The following NBEA variants were observed in gnomAD, a reference collection of about 807,000 sequenced individuals.
NBEA encodes the protein neurobeachin.
A neutral mutation model predicts 343.4 loss-of-function variants in NBEA; 44 were observed. The ratio of observed to expected loss-of-function variants is 0.13; its 90% confidence interval spans 0.10 to 0.16. The LOEUF is 0.16. Ranked by LOEUF, NBEA falls within the 10% of genes least tolerant of loss-of-function variation. The pLI is 1.00. For synonymous variants in NBEA, 1,175 were observed against 1,238.7 expected (o/e 0.95, Z 1.08); for missense variants, 2,555 against 3,631.3 (o/e 0.70, Z 7.62).
chr13:35,633,017 A>G (rs1022419447), intron 49 of NBEA, among the ~76,000 whole-genome samples: 4 of 70,614 alleles, frequency 5.7e-5, no homozygotes, highest in Non-Finnish European at 1.3e-4. Flanking sequence ...TCTTATTTTG[A>G]AAAAAAAAAA....
chr13:35,450,370 C>T (rs12864221), intron 39 of NBEA, among the ~76,000 whole-genome samples: 2 of 152,052 alleles, frequency 1.3e-5, no homozygotes, highest in Admixed American at 6.5e-5. Flanking sequence ...ATCTGTGGTC[C>T]CACCTACTCA....
rs1205794529 is a variant in NBEA at position 35,668,470 on chromosome 13, C to G, written c.8764C>G (p.Pro2922Ala). 1.2e-6 allele frequency: 2 copies of G among 1,612,490 alleles called. No homozygotes were observed. Among genetic ancestry groups the G allele is most frequent in the Non-Finnish European group, 1.7e-6 (2 of 1,179,330 alleles). The change falls in exon 58 of 59, where the codon CCT (proline) becomes GCT (alanine). Residue 2922 changes from proline to alanine, a missense_variant. Pro to Ala is a conservative substitution (Grantham distance 27). Coordinates refer to ENST00000379939, the MANE Select transcript of NBEA (RefSeq NM_001385012.1). Reference protein sequence around the residue: ...ACDFKQLYIYPGCDAGIRAMD... With the variant: ...ACDFKQLYIYAGCDAGIRAMD... ...TGACTTCAAGCAACTGTACATTTAC[C>G]CTGGATGTGATGCTGGCATTAGAGC...
intron 11 of NBEA, among the ~76,000 whole-genome samples, chr13:35,108,904 T>C (rs2066048676): frequency 6.6e-6 from 1 of 152,156 alleles, no homozygotes; most frequent in Admixed American, 6.6e-5. Flanking sequence ...TACATATTTT[T>C]AAGCAGTATT....
At chr13:35,513,533 T>C (rs1029627525) in intron 41 of NBEA, among the ~76,000 whole-genome samples, 21 of 152,040 alleles carry the variant, frequency 1.4e-4, no homozygotes, top group Non-Finnish European at 4.4e-5. Flanking sequence ...TTCTGTGGTA[T>C]GCTTTTTTAG....
At chr13:35,430,173 A>G (rs1384343673) in intron 38 of NBEA, among the ~76,000 whole-genome samples, 1 of 151,732 alleles carries the variant, frequency 6.6e-6, no homozygotes, top group Non-Finnish European at 1.5e-5. Flanking sequence ...GCGTGGTGGT[A>G]TTGCATTGTG....
At chr13:35,078,798 C>T (rs777830089) in intron 10 of NBEA, among the ~76,000 whole-genome samples, 6 of 152,084 alleles carry the variant, frequency 3.9e-5, no homozygotes, top group South Asian at 2.1e-4. Context: ...CCCAGGCGGG[C>T]GGATCACGAG....
At chr13:35,170,529 T>C (rs891589436) in intron 25 of NBEA, among the ~76,000 whole-genome samples, 15 of 151,788 alleles carry the variant, frequency 9.9e-5, no homozygotes, top group African/African-American at 3.1e-4. Context: ...AACCATAAAG[T>C]TGTGCATTTT....
At position 35,110,836 on chromosome 13, in the gene NBEA, G is replaced by A; in HGVS notation, c.1860G>A (p.Leu620=). The part of the protein sequence containing the change: ...AKVQLSLYTY[L]SAEFIGTATI... ...TTCAGCTTTCCCTATACACATATTTGTCTGCTGAATTTATTGGAACTGCTA... is the reference window on the plus strand; with the variant it reads ...TTCAGCTTTCCCTATACACATATTTATCTGCTGAATTTATTGGAACTGCTA... Residue 620 remains leucine, a synonymous_variant, in exon 13 of 59, where the codon TTG becomes TTA. Transcript: ENST00000379939. 6.2e-7 allele frequency: 1 copy of A among 1,611,934 alleles called. No homozygotes were observed. The highest frequency in any genetic ancestry group is 1.3e-5 in the African/African-American group (1 of 74,916).
intron 1 of NBEA, among the ~76,000 whole-genome samples, chr13:35,020,603 C>T (rs1224739334): frequency 6.6e-6 from 1 of 152,194 alleles, no homozygotes; most frequent in Non-Finnish European, 1.5e-5. Context: ...ACTGCAACGT[C>T]TGCCTACTGG....
At chr13:35,351,594 A>G (rs2040203896) in intron 37 of NBEA, among the ~76,000 whole-genome samples, 1 of 151,990 alleles carries the variant, frequency 6.6e-6, no homozygotes, top group South Asian at 2.1e-4. Flanking sequence ...GAGGGATCAT[A>G]GAAAAAAATC....
chr13:35,440,045 A>G (rs574865213), intron 39 of NBEA, among the ~76,000 whole-genome samples: 2 of 152,218 alleles, frequency 1.3e-5, no homozygotes, highest in South Asian at 4.1e-4. Flanking sequence ...ACGCGCAGCT[A>G]ATTTTTGTAT....
At position 35,634,897 on chromosome 13, in the gene NBEA, G is replaced by A. The variant is rs560200880; in HGVS notation, c.7617+6649G>A. Reference sequence around the variant, plus strand: ...TATGGTGAAAATATGCCCATAGGAAGTAGGCTAGATTACTTCAGTTTTTAC... The same window carrying A: ...TATGGTGAAAATATGCCCATAGGAAATAGGCTAGATTACTTCAGTTTTTAC... On this transcript the variant is annotated intron_variant, in intron 49 of 58. Transcript: ENST00000379939. Among the ~76,000 whole-genome samples, 4 of 152,258 alleles carry A rather than the reference G, an allele frequency of 2.6e-5. No homozygotes were observed. In the East Asian group the frequency reaches 7.7e-4, roughly 29 times the overall value.
At chr13:35,417,892 G>T (rs967687706) in intron 38 of NBEA, among the ~76,000 whole-genome samples, 1 of 152,122 alleles carries the variant, frequency 6.6e-6, no homozygotes, top group African/African-American at 2.4e-5. Flanking sequence ...AGGTCTCTAA[G>T]GACTTGCTTT....
intron 1 of NBEA, among the ~76,000 whole-genome samples, chr13:35,000,764 C>T (rs1202717148): frequency 6.6e-6 from 1 of 151,836 alleles, no homozygotes; most frequent in East Asian, 1.9e-4. Context: ...AATGCTTTTA[C>T]ATTAAAAATG....
rs1369785931 is a variant in NBEA at position 35,445,261 on chromosome 13, C to A, written c.6305-6831C>A. Among the ~76,000 whole-genome samples, 3 of 151,992 alleles carry A rather than the reference C, an allele frequency of 2.0e-5. No individual in the cohort carries two copies. The East Asian group carries it at 5.8e-4, about 29-fold the overall frequency. On this transcript the variant is annotated intron_variant, in intron 39 of 58. Coordinates refer to ENST00000379939, the MANE Select transcript of NBEA (RefSeq NM_001385012.1). ...TAAGCAATAAAGCATTAACTATGTTCTTTTTCAGTTTTAATTATGTATTCA... is the reference window on the plus strand; with the variant it reads ...TAAGCAATAAAGCATTAACTATGTTATTTTTCAGTTTTAATTATGTATTCA...
intron 5 of NBEA, among the ~76,000 whole-genome samples, chr13:35,049,346 C>T (rs374325083): frequency 1.5e-4 from 23 of 151,850 alleles, no homozygotes; most frequent in East Asian, 7.7e-4. Context: ...TGTAATAAGA[C>T]GGCCTGTGTT....
chr13:35,642,750 G>T (rs1358181359), intron 49 of NBEA, among the ~76,000 whole-genome samples: 1 of 152,044 alleles, frequency 6.6e-6, no homozygotes, highest in Non-Finnish European at 1.5e-5. Flanking sequence ...CCAATTTCTT[G>T]TATGCCATTT....
chr13:35,484,362 C>A (rs2076236038), intron 41 of NBEA, among the ~76,000 whole-genome samples: 1 of 149,580 alleles, frequency 6.7e-6, no homozygotes, highest in African/African-American at 2.5e-5. Context: ...TTTTTTGCAA[C>A]CTTAACCTGC....
rs529834614 is a variant in NBEA at position 35,196,042 on chromosome 13, A to T, written c.5106A>T (p.Glu1702Asp). 5 of 1,613,586 alleles carry T rather than the reference A, an allele frequency of 3.1e-6. No individual in the cohort carries two copies. The Admixed American group carries it at 8.3e-5, about 27-fold the overall frequency. ...GTACAGGCCCTGATGCCATGAGTGA[A>T]CTCTTATCCACTTTGTCATCCGAAG... ...ETSTGPDAMS[E>D]LLSTLSSEVK... Residue 1702 changes from glutamate to aspartate, a missense_variant, in exon 31 of 59, where the codon GAA becomes GAT. By Grantham distance (45) the Glu-to-Asp change is conservative. Transcript: ENST00000379939.
Sources: gnomAD v4.1 joint callset for allele counts (sites outside exome capture counted in the v4.1 genomes callset) on GRCh38, gnomAD v4.1.1 for gene constraint, MANE v1.5 for transcripts, NCBI Gene and HGNC (gene_info 2026-07-23, HGNC 2026-07-21) for gene names.